Variants in CCDC47 observed in about 807,000 individuals in gnomAD.
The protein encoded by CCDC47 is coiled-coil domain containing 47, also known as PAT complex subunit CCDC47.
CCDC47 carries 41 observed loss-of-function variants against 60.5 expected under a neutral mutation model. The ratio of observed to expected loss-of-function variants is 0.68; its 90% CI spans 0.53 to 0.88. The LOEUF is 0.88. CCDC47 is among the 40% of genes least tolerant of loss of function. The probability of loss-of-function intolerance (pLI) is 0.00; values close to 1 mark genes in which losing one functional copy is unlikely to be tolerated. For synonymous variants in CCDC47, 195 were observed against 190.7 expected, an observed-to-expected ratio of 1.02 and a Z score of -0.18; for missense variants, 513 against 580.9, an observed-to-expected ratio of 0.88 and a Z score of 1.20.
At chr17:63,756,407 A>C in intron 7 of CCDC47, 57 bp from the exon 8 acceptor site, 1 of 1,576,056 alleles carries the variant, frequency 6.3e-7, no homozygotes, top group Non-Finnish European at 8.7e-7. Context: ...AATGAAGCTG[A>C]ATATGTGTGT....
chr17:63,754,969 T>C (rs546937839), intron 8 of CCDC47, among the ~76,000 whole-genome samples: 14 of 152,074 alleles, frequency 9.2e-5, no homozygotes, highest in African/African-American at 3.4e-4. Context: ...AGCGTGTTCA[T>C]TGCTTTTTAT....
In CCDC47 at chr17:63,752,057, CAAG is replaced by C; in HGVS notation, c.1251_1253del (p.Phe417del). The C allele has an allele frequency of 1.9e-6, 3 of 1,613,788 alleles. No homozygotes were observed. Among genetic ancestry groups the C allele is most frequent in the South Asian group, 2.2e-5 (2 of 91,064 alleles). On this transcript the variant is annotated inframe_deletion, in exon 12 of 13. Coordinates refer to ENST00000225726, the MANE Select transcript of CCDC47 (RefSeq NM_020198.3). ...CCTGTCTTTGCACATGTGTCAGTTT[CAAG>C]AAGTTCTCTTCTACTCGGGCACGGT... is the stretch of plus-strand genomic sequence containing the variant.
chr17:63,748,727 C>T (rs371328963), intron 12 of CCDC47, among the ~76,000 whole-genome samples: 2 of 152,082 alleles, frequency 1.3e-5, no homozygotes, highest in African/African-American at 2.4e-5. Flanking sequence ...GTCAGGAGTT[C>T]GAGACCAGCC....
chr17:63,769,907 A>C (rs1204251493), intron 1 of CCDC47, among the ~76,000 whole-genome samples: 1 of 151,504 alleles, frequency 6.6e-6, no homozygotes, highest in Non-Finnish European at 1.5e-5. Flanking sequence ...TTACATACAA[A>C]TATTAGTTAG....
At chr17:63,761,387 A>G in intron 4 of CCDC47, 36 bp from the exon 5 acceptor site, 1 of 1,612,642 alleles carries the variant, frequency 6.2e-7, no homozygotes, top group Middle Eastern at 1.7e-4. Flanking sequence ...CTCAACAGAA[A>G]ATGTCAAGGC....
At chr17:63,747,371 ATC>A (rs1390676043) in intron 12 of CCDC47, 8 of 984,128 alleles carry the variant, frequency 8.1e-6, no homozygotes, top group Non-Finnish European at 9.7e-6. Flanking sequence ...AATTTTAAGA[ATC>A]TTGTTCCATC....
At chr17:63,754,798 G>A (rs1461058245) in intron 8 of CCDC47, among the ~76,000 whole-genome samples, 1 of 150,798 alleles carries the variant, frequency 6.6e-6, no homozygotes. Flanking sequence ...CACGAGAAGC[G>A]TTTGAACCCG....
chr17:63,766,446 G>A (rs1249090865), intron 1 of CCDC47, among the ~76,000 whole-genome samples: 1 of 151,680 alleles, frequency 6.6e-6, no homozygotes, highest in Non-Finnish European at 1.5e-5. Context: ...TTTTTGAGAC[G>A]GAGTTTTGCT....
intron 8 of CCDC47, 39 bp downstream of exon 8, chr17:63,756,201 G>T: frequency 7.1e-7 from 1 of 1,403,894 alleles, no homozygotes; most frequent in Non-Finnish European, 1.0e-6. Flanking sequence ...TCCTGTAAAT[G>T]CCAAGGCCTG....
At position 63,746,773 on chromosome 17, in the gene CCDC47, C is replaced by T; in HGVS notation, c.*108G>A. The T allele has an allele frequency of 4.7e-6, 4 of 847,562 alleles. No individual in the cohort carries two copies. Among genetic ancestry groups the T allele is most frequent in the Non-Finnish European group, 7.9e-6 (4 of 507,314 alleles). 52.5% of individuals were successfully genotyped at this position (847,562 alleles called of 1,614,324 possible). On this transcript the variant is annotated 3_prime_UTR_variant, in exon 13 of 13. Transcript: ENST00000225726. ...TGATGAAATAAGGATTTCTCAGTTG[C>T]CCAAGACTGTCTGAAATTTAAGGTT...
chr17:63,772,177 T>C (rs1187693655), intron 1 of CCDC47, among the ~76,000 whole-genome samples: 1 of 150,926 alleles, frequency 6.6e-6, no homozygotes, highest in African/African-American at 2.4e-5. Flanking sequence ...GTTCTCCACA[T>C]ACAAAAAAGG....
chr17:63,769,628 A>G (rs1225996341), intron 1 of CCDC47, among the ~76,000 whole-genome samples: 1 of 131,372 alleles, frequency 7.6e-6, no homozygotes, highest in African/African-American at 2.7e-5. Flanking sequence ...AAAAAAAAAA[A>G]GAAAAGAAAA....
At chr17:63,760,846 AAAAAAAAG>A in intron 6 of CCDC47, 60 bp downstream of exon 6, 1 of 1,189,226 alleles carries the variant, frequency 8.4e-7, no homozygotes, top group South Asian at 1.4e-5. Context: ...CAAAAAAAAA[AAAAAAAAG>A]AAAGAAAGAA....
rs1447331055 is a variant in CCDC47 at position 63,765,907 on chromosome 17, C to T, written c.264+5G>A. The T allele has an allele frequency of 1.3e-6, 2 of 1,598,374 alleles. No homozygotes were observed. The highest frequency in any genetic ancestry group is 1.8e-5 in the Admixed American group (1 of 56,532). ...TTTCCAATAAATTAATAAAAAGAGC[C>T]TCACCTGGGTATCTGCATCTTCAAA... On this transcript the variant is annotated splice_donor_5th_base_variant and intron_variant, in intron 2 of 12. Transcript: ENST00000225726.
intron 1 of CCDC47, among the ~76,000 whole-genome samples, chr17:63,768,308 G>A (rs2039311395): frequency 6.6e-6 from 1 of 152,146 alleles, no homozygotes; most frequent in East Asian, 1.9e-4. Context: ...AAGGACATGT[G>A]CTACAATATT....
chr17:63,770,525 C>T (rs1598313307), intron 1 of CCDC47, among the ~76,000 whole-genome samples: 3 of 152,130 alleles, frequency 2.0e-5, no homozygotes, highest in Admixed American at 2.0e-4. Flanking sequence ...TGAGTATTAA[C>T]GGAAGTGAGA....
chr17:63,769,589 G>C (rs1814158733), intron 1 of CCDC47, among the ~76,000 whole-genome samples: 1 of 141,442 alleles, frequency 7.1e-6, no homozygotes. Flanking sequence ...GTCCAGCCTG[G>C]GCAACAAGAG....
chr17:63,747,244 G>C (rs2039127256), intron 12 of CCDC47: 7 of 984,826 alleles, frequency 7.1e-6, no homozygotes, highest in Non-Finnish European at 8.4e-6. Context: ...TGTTATTCTG[G>C]TTTGATTTTT....
At chr17:63,763,921 C>A in intron 4 of CCDC47, 95 bp downstream of exon 4, 1 of 878,340 alleles carries the variant, frequency 1.1e-6, no homozygotes, top group East Asian at 2.9e-5. Flanking sequence ...TTTGGTATTC[C>A]ATGAAAGCAG....
Sources: gnomAD v4.1 joint callset for allele counts (sites outside exome capture counted in the v4.1 genomes callset) on GRCh38, gnomAD v4.1.1 for gene constraint, MANE v1.5 for transcripts, NCBI Gene and HGNC (gene_info 2026-07-23, HGNC 2026-07-21) for gene names.